The following COL26A1 variants were observed in gnomAD, a reference collection of about 807,000 sequenced individuals.
COL26A1 encodes collagen type XXVI alpha 1 chain, also known as collagen alpha-1(XXVI) chain.
COL26A1 carries 41 observed loss-of-function variants against 59.3 expected under a neutral mutation model. The ratio of observed to expected loss-of-function variants is 0.69; its 90% CI spans 0.54 to 0.90. The LOEUF is 0.90. COL26A1 is among the 40% of genes least tolerant of loss of function. The probability of loss-of-function intolerance (pLI) is 0.00; values close to 1 mark genes in which losing one functional copy is unlikely to be tolerated. For missense variants in COL26A1, 612 were observed against 602.3 expected (o/e 1.02, Z -0.17); for synonymous variants, 266 against 256.0 (o/e 1.04, Z -0.37).
At chr7:101,496,740 C>A (rs1428596111) in intron 3 of COL26A1, among the ~76,000 whole-genome samples, 4 of 107,120 alleles carry the variant, frequency 3.7e-5, no homozygotes, top group Non-Finnish European at 7.9e-5. Context: ...ACAAAAAATT[C>A]CCAGGCGTGA....
Position 101,557,567 on chromosome 7 carries a change from G to C in COL26A1, c.*37G>C, listed in dbSNP as rs1004197468. On this transcript the variant is annotated 3_prime_UTR_variant, in exon 13 of 13. Transcript: ENST00000313669. ...TCCAGGACACCCTGTCCTGGCTAGA[G>C]ACCCAGCCCCAGAGGCCTGAGCCGC... The C allele has an allele frequency of 1.3e-6, 2 of 1,567,238 alleles. No individual in the cohort carries two copies. The highest frequency in any genetic ancestry group is 2.7e-5 in the African/African-American group (2 of 73,906).
intron 1 of COL26A1, among the ~76,000 whole-genome samples, chr7:101,392,905 C>T (rs1791766027): frequency 6.6e-6 from 1 of 150,688 alleles, no homozygotes; most frequent in Non-Finnish European, 1.5e-5. Context: ...GTCCTAATCC[C>T]TGCAACCTGT....
At chr7:101,362,535 T>C (rs542291495), upstream of COL26A1, among the ~76,000 whole-genome samples, 95 of 152,338 alleles carry the variant, frequency 6.2e-4, no homozygotes, top group Middle Eastern at 3.4e-3. Context: ...CAGTTTCCAC[T>C]TCTGAATGGG....
intron 3 of COL26A1, among the ~76,000 whole-genome samples, chr7:101,451,271 A>G (rs1476163062): frequency 6.9e-6 from 1 of 145,690 alleles, no homozygotes; most frequent in Non-Finnish European, 1.5e-5. Context: ...AATATGAAAG[A>G]TATATTTATA....
chr7:101,463,739 T>C (rs1326954731), intron 3 of COL26A1, among the ~76,000 whole-genome samples: 76 of 74,776 alleles, frequency 1.0e-3, no homozygotes, highest in African/African-American at 3.5e-3. Context: ...CTCTCCCCCC[T>C]CCCTTCCTTC....
chr7:101,367,829 A>C (rs1791086550), intron 1 of COL26A1, among the ~76,000 whole-genome samples: 1 of 152,226 alleles, frequency 6.6e-6, no homozygotes, highest in Non-Finnish European at 1.5e-5. Flanking sequence ...CCCAGCCTCC[A>C]GGGCTATGAG....
intron 3 of COL26A1, among the ~76,000 whole-genome samples, chr7:101,461,269 G>A (rs1793603433): frequency 1.3e-5 from 2 of 151,636 alleles, no homozygotes; most frequent in Non-Finnish European, 2.9e-5. Context: ...GGGATCACAG[G>A]TGTGAGCCAC....
chr7:101,390,723 C>T (rs1480657024), intron 1 of COL26A1, among the ~76,000 whole-genome samples: 2 of 152,194 alleles, frequency 1.3e-5, no homozygotes, highest in Non-Finnish European at 2.9e-5. Context: ...CCATGCCTGG[C>T]CTGGAGCCAC....
intron 1 of COL26A1, among the ~76,000 whole-genome samples, chr7:101,388,667 A>G (rs1315005276): frequency 6.6e-6 from 1 of 151,126 alleles, no homozygotes; most frequent in Non-Finnish European, 1.5e-5. Flanking sequence ...AGGTTCAAGC[A>G]ATTCTCCTGC....
In COL26A1 at chr7:101,362,931, C is replaced by T. The variant is rs1240425165; in HGVS notation, c.-102C>T. 1.2e-5 allele frequency: 15 copies of T among 1,250,068 alleles called. No homozygotes were observed. Among genetic ancestry groups the T allele is most frequent in the Non-Finnish European group, 1.5e-5 (14 of 938,850 alleles). The allele number at this position is 1,250,068 out of a possible 1,614,324, so 77.4% of individuals were successfully genotyped here. A position where few individuals can be genotyped will look rare whatever the true frequency, so the allele number is the denominator to read the frequency against. Reference sequence around the variant, plus strand: ...CTCCGACCGCTCGCCCCGCTCCTCTCGCTGTGCTCCCGGCCGGTGCCGCGG... The same window carrying T: ...CTCCGACCGCTCGCCCCGCTCCTCTTGCTGTGCTCCCGGCCGGTGCCGCGG... On this transcript the variant is annotated 5_prime_UTR_variant, in exon 1 of 13. Transcript: ENST00000313669.
intron 1 of COL26A1, among the ~76,000 whole-genome samples, chr7:101,412,231 T>C (rs946449920): frequency 1.1e-4 from 16 of 152,052 alleles, no homozygotes; most frequent in African/African-American, 3.9e-4. Context: ...GCCATGTCAG[T>C]TTCCCATTGC....
chr7:101,385,227 CACACTATATATA>C (rs1562956951), intron 1 of COL26A1, among the ~76,000 whole-genome samples: 1 of 139,368 alleles, frequency 7.2e-6, no homozygotes, highest in Non-Finnish European at 1.6e-5. Flanking sequence ...CACACACACA[CACACTATATATA>C]TATATATATA....
intron 3 of COL26A1, among the ~76,000 whole-genome samples, chr7:101,512,313 T>A (rs1300193040): frequency 2.6e-5 from 4 of 151,858 alleles, no homozygotes; most frequent in African/African-American, 9.7e-5. Flanking sequence ...ATGGGGAAAA[T>A]TTGGCTGGAA....
intron 3 of COL26A1, among the ~76,000 whole-genome samples, chr7:101,462,383 C>G (rs1222329395): frequency 6.6e-6 from 1 of 152,074 alleles, no homozygotes; most frequent in Non-Finnish European, 1.5e-5. Flanking sequence ...GTGGTGCCAT[C>G]TCGGCTCACT....
At chr7:101,391,316 T>A (rs559411211) in intron 1 of COL26A1, among the ~76,000 whole-genome samples, 69 of 152,240 alleles carry the variant, frequency 4.5e-4, no homozygotes, top group African/African-American at 1.3e-3. Flanking sequence ...CTATTTTTTT[T>A]ATTTTTTTTA....
chr7:101,388,542 CT>C (rs1162817804), intron 1 of COL26A1, among the ~76,000 whole-genome samples: 1 of 151,742 alleles, frequency 6.6e-6, no homozygotes, highest in Non-Finnish European at 1.5e-5. Flanking sequence ...CTGTCCTCCC[CT>C]GGCCCCTGGC....
chr7:101,531,032 G>A (rs529151061), intron 3 of COL26A1, among the ~76,000 whole-genome samples: 1 of 151,806 alleles, frequency 6.6e-6, no homozygotes, highest in Non-Finnish European at 1.5e-5. Flanking sequence ...GTGCAGTGGT[G>A]CGATCTCGGC....
intron 3 of COL26A1, among the ~76,000 whole-genome samples, chr7:101,449,612 A>G (rs1053169493): frequency 2.6e-5 from 4 of 151,562 alleles, no homozygotes; most frequent in African/African-American, 4.8e-5. Flanking sequence ...CTACTAAAAT[A>G]TACAAAAATT....
intron 1 of COL26A1, among the ~76,000 whole-genome samples, chr7:101,416,732 T>A (rs76537572): frequency 0.018 from 2,613 of 143,698 alleles, 389 homozygotes; most frequent in East Asian, 0.038. Context: ...TGCATTTTTT[T>A]AATTTCATTT....
Sources: gnomAD v4.1 joint callset for allele counts (sites outside exome capture counted in the v4.1 genomes callset) on GRCh38, gnomAD v4.1.1 for gene constraint, MANE v1.5 for transcripts, NCBI Gene and HGNC (gene_info 2026-07-23, HGNC 2026-07-21) for gene names.